The following COG5 variants were observed in gnomAD, a reference collection of about 807,000 sequenced individuals.
COG5 encodes the protein component of oligomeric golgi complex 5, also known as conserved oligomeric Golgi complex subunit 5.
A neutral mutation model predicts 110.4 loss-of-function variants in COG5; 86 were observed. The observed-to-expected ratio is 0.78, with a 90% CI of 0.65 to 0.93. COG5 has a LOEUF of 0.93. COG5 is among the 40% of genes least tolerant of loss of function. The pLI, the probability that COG5 is intolerant of heterozygous loss-of-function variation, is 0.00. For missense variants in COG5, 1,077 were observed against 987.0 expected (o/e 1.09, Z -1.22); for synonymous variants, 360 against 334.6 (o/e 1.08, Z -0.83).
chr7:107,456,339 C>T (rs1237352613), intron 6 of COG5, among the ~76,000 whole-genome samples: 1 of 152,130 alleles, frequency 6.6e-6, no homozygotes, highest in Non-Finnish European at 1.5e-5. Context: ...CTACTTCCAA[C>T]CTAACAGAAT....
chr7:107,520,095 C>G lies in COG5; in HGVS notation c.538+7142G>C, dbSNP rs191467945. On this transcript the variant is annotated intron_variant, in intron 6 of 21. Transcript: ENST00000297135. ...AAAAGGGCTCTGATAAAATTCAACA[C>G]ACCTTCATGTTAAAAACTCTCAATA... is the stretch of plus-strand genomic sequence containing the variant. Among the ~76,000 whole-genome samples, 675 of 152,210 alleles carry G rather than the reference C, an allele frequency of 4.4e-3. 3 individuals are homozygous for G. Among genetic ancestry groups the G allele is most frequent in the African/African-American group, 0.016 (646 of 41,536 alleles).
At chr7:107,344,727 T>C (rs951956124) in intron 10 of COG5, among the ~76,000 whole-genome samples, 1 of 152,124 alleles carries the variant, frequency 6.6e-6, no homozygotes, top group Non-Finnish European at 1.5e-5. Flanking sequence ...TTTCTCCACG[T>C]TGGTCAGGCT....
intron 19 of COG5, among the ~76,000 whole-genome samples, chr7:107,221,954 C>A (rs569583255): frequency 6.6e-6 from 1 of 152,032 alleles, no homozygotes; most frequent in African/African-American, 2.4e-5. Context: ...TTACATTTTT[C>A]TTTTTTTCTT....
intron 6 of COG5, among the ~76,000 whole-genome samples, chr7:107,518,323 G>T (rs1800085263): frequency 6.6e-6 from 1 of 152,136 alleles, no homozygotes; most frequent in Admixed American, 6.6e-5. Context: ...AACCTTAAAT[G>T]TAAATGGGCT....
At chr7:107,338,447 C>T (rs915781619) in intron 10 of COG5, among the ~76,000 whole-genome samples, 8 of 152,042 alleles carry the variant, frequency 5.3e-5, no homozygotes, top group African/African-American at 1.9e-4. Context: ...TATACATACA[C>T]ATGCAAAGGA....
intron 6 of COG5, among the ~76,000 whole-genome samples, chr7:107,477,531 T>G (rs1344017882): frequency 2.0e-5 from 3 of 151,830 alleles, no homozygotes; most frequent in Non-Finnish European, 3.0e-5. Context: ...CCCTTTAAAC[T>G]GCTATCATTT....
At chr7:107,400,504 T>C (rs1386508605) in intron 7 of COG5, among the ~76,000 whole-genome samples, 2 of 152,148 alleles carry the variant, frequency 1.3e-5, no homozygotes, top group Non-Finnish European at 2.9e-5. Context: ...TGAGAAATTT[T>C]TGAGAAGCAG....
chr7:107,432,908 A>T (rs1794124503), intron 6 of COG5, among the ~76,000 whole-genome samples: 1 of 152,188 alleles, frequency 6.6e-6, no homozygotes, highest in Non-Finnish European at 1.5e-5. Flanking sequence ...TTCACAGATG[A>T]CATAATCTTA....
At chr7:107,215,187 A>T (rs1799437040) in intron 19 of COG5, among the ~76,000 whole-genome samples, 1 of 152,194 alleles carries the variant, frequency 6.6e-6, no homozygotes, top group African/African-American at 2.4e-5. Context: ...TTCAAAGCAT[A>T]CCACTACAGA....
chr7:107,258,287 G>T lies in COG5; in HGVS notation c.1672C>A (p.Gln558Lys). Residue 558 changes from glutamine to lysine, a missense_variant, in exon 15 of 22, where the codon CAA (glutamine) becomes AAA (lysine). By Grantham distance (53) the Gln-to-Lys change is moderately conservative. Coordinates refer to ENST00000297135, the MANE Select transcript of COG5 (RefSeq NM_006348.5). The stretch of plus-strand genomic sequence containing the variant: ...AAAATAGTTACCTTTGTTACTGATT[G>T]GTGCAACTTATACAATGAATTCACT... ...AVVNSLYKLH[Q>K]SVTKVVSSQS... 6.2e-7 allele frequency: 1 copy of T among 1,600,910 alleles called. No homozygotes were observed. The highest frequency in any genetic ancestry group is 8.6e-7 in the Non-Finnish European group (1 of 1,168,196).
intron 6 of COG5, among the ~76,000 whole-genome samples, chr7:107,499,407 A>C (rs1203037491): frequency 1.5e-5 from 2 of 136,936 alleles, no homozygotes; most frequent in Admixed American, 1.5e-4. Flanking sequence ...AAGAGGAGTA[A>C]ATTTTTTTTT....
chr7:107,480,832 A>G (rs1797297052), intron 6 of COG5: 1 of 152,202 alleles, frequency 6.6e-6, no homozygotes. Context: ...CACTAATACA[A>G]AAGCCATAAC....
intron 7 of COG5, among the ~76,000 whole-genome samples, chr7:107,377,045 C>G (rs750399402): frequency 5.3e-5 from 8 of 152,154 alleles, no homozygotes; most frequent in Middle Eastern, 6.8e-3. Flanking sequence ...TTACAATATT[C>G]TCATTTTCAT....
At chr7:107,299,092 A>G (rs532621392) in intron 11 of COG5, among the ~76,000 whole-genome samples, 1 of 152,264 alleles carries the variant, frequency 6.6e-6, no homozygotes, top group Admixed American at 6.5e-5. Flanking sequence ...AAAGTTTCAA[A>G]TCAATGACCT....
At chr7:107,453,497 CA>C (rs1033853714) in intron 6 of COG5, among the ~76,000 whole-genome samples, 4 of 152,218 alleles carry the variant, frequency 2.6e-5, no homozygotes, top group African/African-American at 9.6e-5. Flanking sequence ...AGCAAATAAA[CA>C]AGTTACTATA....
intron 11 of COG5, among the ~76,000 whole-genome samples, chr7:107,303,774 T>C (rs1310514327): frequency 1.3e-5 from 2 of 152,150 alleles, no homozygotes; most frequent in Admixed American, 1.3e-4. Context: ...ATTTGATATG[T>C]AGTTATAAAG....
chr7:107,516,267 T>G (rs557529997), intron 6 of COG5, among the ~76,000 whole-genome samples: 2 of 152,218 alleles, frequency 1.3e-5, no homozygotes, highest in Non-Finnish European at 2.9e-5. Flanking sequence ...TCTGTCATCA[T>G]CTTGGGTGAA....
chr7:107,404,885 G>GAAAAAAAA (rs59988899), intron 7 of COG5, among the ~76,000 whole-genome samples: 5 of 32,398 alleles, frequency 1.5e-4, no homozygotes, highest in African/African-American at 3.6e-4. Context: ...TTCAGAAGAT[G>GAAAAAAAA]AAAAAAAAAA....
intron 14 of COG5, among the ~76,000 whole-genome samples, chr7:107,262,337 A>C (rs905633078): frequency 6.6e-6 from 1 of 152,098 alleles, no homozygotes; most frequent in Non-Finnish European, 1.5e-5. Context: ...ATTAAAATCA[A>C]TTTCAGCAGT....
Sources: allele counts gnomAD v4.1 joint callset (sites outside exome capture counted in the v4.1 genomes callset), GRCh38; gene constraint gnomAD v4.1.1; transcripts MANE v1.5; gene names NCBI Gene and HGNC (gene_info 2026-07-23, HGNC 2026-07-21).